Variants in C7 observed in about 807,000 individuals in gnomAD.
C7 encodes complement C7, also known as complement component C7.
Under a neutral mutation model 104.8 loss-of-function variants are expected in C7, and 83 were observed. The observed-to-expected ratio is 0.79, with a 90% CI of 0.66 to 0.95. The LOEUF (loss-of-function observed/expected upper bound fraction) is 0.95. Among genes scored for constraint, C7 ranks in the 40% least tolerant of loss-of-function variants. C7 has a pLI of 0.00. For missense variants in C7, 1,070 were observed against 1,011.2 expected (o/e 1.06, Z -0.79); for synonymous variants, 415 against 360.6 (o/e 1.15, Z -1.71).
intron 14 of C7, among the ~76,000 whole-genome samples, chr5:40,969,696 T>G (rs970694483): frequency 3.9e-5 from 6 of 152,294 alleles, no homozygotes; most frequent in Admixed American, 2.6e-4. Flanking sequence ...CCTGTGAGAC[T>G]GCTAAAAGCT....
intron 9 of C7, among the ~76,000 whole-genome samples, chr5:40,953,311 G>C (rs935911680): frequency 1.3e-5 from 2 of 152,156 alleles, no homozygotes; most frequent in East Asian, 3.9e-4. Flanking sequence ...TCAATGAAGA[G>C]AGATTGCTTA....
In C7 at chr5:40,947,787, G is replaced by T; in HGVS notation, c.924G>T (p.Ser308=). 6.2e-7 allele frequency: 1 copy of T among 1,613,276 alleles called. No individual in the cohort carries two copies. Among genetic ancestry groups the T allele is most frequent in the Non-Finnish European group, 8.5e-7 (1 of 1,179,384 alleles). ...GGACACATTATCTGCAATCTGGGTC[G>T]TTAGGAGGAGAATACAGAGTTCTAT... is the stretch of plus-strand genomic sequence containing the variant. ...QYGTHYLQSG[S]LGGEYRVLFY... is the part of the protein sequence containing the mutation. The change falls in exon 8 of 18, where the codon TCG becomes TCT. Residue 308 remains serine, a synonymous_variant. Coordinates refer to ENST00000313164, the MANE Select transcript of C7 (RefSeq NM_000587.4).
At chr5:40,972,173 G>C (rs977652315) in intron 14 of C7, 1 of 569,720 alleles carries the variant, frequency 1.8e-6, no homozygotes, top group Non-Finnish European at 3.2e-6. Context: ...GTTTTGAGGG[G>C]AGGGGTGGGA....
chr5:40,984,492 T>G lies in C7; in HGVS notation c.*2919T>G. ...TGTAACTGCTAAGAGCTGCAAGTGC[T>G]GAGCAGCTGGTTTATACAGCATTCC... On this transcript the variant is annotated 3_prime_UTR_variant, in exon 18 of 18. Coordinates refer to ENST00000313164, the MANE Select transcript of C7 (RefSeq NM_000587.4). Among the ~76,000 whole-genome samples the G allele has an allele frequency of 6.6e-6, 1 of 152,354 alleles. No homozygotes were observed. Among genetic ancestry groups the G allele is most frequent in the South Asian group, 2.1e-4 (1 of 4,828 alleles).
intron 12 of C7, 47 bp from the exon 13 acceptor site, chr5:40,962,038 T>C (rs765773879): frequency 9.9e-7 from 1 of 1,009,202 alleles, no homozygotes; most frequent in South Asian, 2.4e-5. Context: ...AAATAATTAT[T>C]ATACTGTGCA....
chr5:40,932,041 A>T (rs1739696069), intron 3 of C7, among the ~76,000 whole-genome samples: 1 of 152,208 alleles, frequency 6.6e-6, no homozygotes, highest in African/African-American at 2.4e-5. Context: ...TACAGGTGTG[A>T]GCCACTGCAC....
chr5:40,964,700 T>C (rs1413070688), intron 13 of C7, 41 bp from the exon 14 acceptor site: 1 of 1,587,706 alleles, frequency 6.3e-7, no homozygotes, highest in Non-Finnish European at 8.6e-7. Context: ...TAATGCAAAA[T>C]AGACAAACTC....
At chr5:40,925,789 G>C (rs1355592148) in intron 1 of C7, among the ~76,000 whole-genome samples, 1 of 152,156 alleles carries the variant, frequency 6.6e-6, no homozygotes, top group Non-Finnish European at 1.5e-5. Flanking sequence ...GGAACAGGCA[G>C]GTCACATGGC....
chr5:40,931,919 C>T (rs750430511), intron 3 of C7, among the ~76,000 whole-genome samples: 6 of 152,202 alleles, frequency 3.9e-5, no homozygotes, highest in East Asian at 1.9e-4. Context: ...CCACTACACC[C>T]GGCTAATTTT....
intron 14 of C7, among the ~76,000 whole-genome samples, chr5:40,971,780 G>T (rs1740702076): frequency 6.6e-6 from 1 of 151,924 alleles, no homozygotes; most frequent in Non-Finnish European, 1.5e-5. Context: ...ATAAGGAAGG[G>T]GTCCAGTTTC....
chr5:40,925,754 T>C (rs1739538281), intron 1 of C7, among the ~76,000 whole-genome samples: 1 of 152,144 alleles, frequency 6.6e-6, no homozygotes. Flanking sequence ...GCAGGGAGAT[T>C]TTACTCATGG....
Position 40,945,257 on chromosome 5 carries a change from A to G in C7, c.627A>G (p.Lys209=), listed in dbSNP as rs1206143295. The G allele has an allele frequency of 6.3e-7, 1 of 1,575,468 alleles. No homozygotes were observed. The highest frequency in any genetic ancestry group is 2.3e-5 in the East Asian group (1 of 44,426). The change falls in exon 7 of 18, where the codon AAA becomes AAG. Residue 209 remains lysine (K), a synonymous_variant. Coordinates refer to ENST00000313164, the MANE Select transcript of C7 (RefSeq NM_000587.4). ...ACAATAGTACTTGGTCTTATGTAAAACATACGTCGACAGAACACACATCAT... is the reference window on the plus strand; with the variant it reads ...ACAATAGTACTTGGTCTTATGTAAAGCATACGTCGACAGAACACACATCAT... ...EFYNSTWSYV[K]HTSTEHTSSS... is the part of the protein sequence containing the mutation.
chr5:40,959,180 C>T (rs1226486173), intron 11 of C7, among the ~76,000 whole-genome samples: 6 of 152,096 alleles, frequency 3.9e-5, no homozygotes, highest in East Asian at 3.9e-4. Flanking sequence ...AATGATACAA[C>T]GTACGTAAAA....
chr5:40,959,791 C>A (rs1183832222), intron 12 of C7, among the ~76,000 whole-genome samples, 171 bp downstream of exon 12: 4 of 152,184 alleles, frequency 2.6e-5, no homozygotes, highest in African/African-American at 9.7e-5. Context: ...GCTCTGTGTG[C>A]TTCAGGTTTT....
At chr5:40,968,569 TATATATATATA>T (rs1740611244) in intron 14 of C7, among the ~76,000 whole-genome samples, 2 of 41,992 alleles carry the variant, frequency 4.8e-5, no homozygotes, top group Admixed American at 3.8e-4. Context: ...ATATATATTT[TATATATATATA>T]TATATATATA....
At chr5:40,920,688 T>C (rs534032774) in intron 1 of C7, among the ~76,000 whole-genome samples, 3 of 152,074 alleles carry the variant, frequency 2.0e-5, no homozygotes, top group Non-Finnish European at 2.9e-5. Context: ...ACAAAATAAA[T>C]GGCATTCAAA....
chr5:40,966,206 C>T (rs764409522), intron 14 of C7, among the ~76,000 whole-genome samples: 4 of 151,928 alleles, frequency 2.6e-5, no homozygotes, highest in South Asian at 4.2e-4. Context: ...TTGGTGCACC[C>T]GTCACTCAGG....
At chr5:40,941,357 C>T (rs1176834280) in intron 6 of C7, among the ~76,000 whole-genome samples, 8 of 152,084 alleles carry the variant, frequency 5.3e-5, no homozygotes, top group Admixed American at 5.2e-4. Context: ...AGCCACTGAC[C>T]CTGGCCCGAG....
intron 9 of C7, among the ~76,000 whole-genome samples, chr5:40,950,989 A>C (rs947510493): frequency 1.3e-5 from 2 of 152,184 alleles, no homozygotes; most frequent in African/African-American, 2.4e-5. Flanking sequence ...GATTTAATAC[A>C]TGGAGTGATG....
Sources: allele counts gnomAD v4.1 joint callset (sites outside exome capture counted in the v4.1 genomes callset), GRCh38; gene constraint gnomAD v4.1.1; transcripts MANE v1.5; gene names NCBI Gene and HGNC (gene_info 2026-07-23, HGNC 2026-07-21).